Variants in COL24A1 observed in about 807,000 individuals in gnomAD.
COL24A1 encodes collagen type XXIV alpha 1 chain.
A neutral mutation model predicts 253.9 loss-of-function variants in COL24A1; 224 were observed. That is an observed-to-expected ratio of 0.88 (90% confidence interval 0.79 to 0.99). COL24A1 has a LOEUF of 0.99. Ranked by LOEUF, COL24A1 falls within the 50% of genes least tolerant of loss-of-function variation. The pLI is 0.00. For synonymous variants in COL24A1, 685 were observed against 673.7 expected (o/e 1.02, Z -0.26); for missense variants, 2,131 against 2,068.5 (o/e 1.03, Z -0.59).
At chr1:86,089,843 A>T (rs1264882191) in intron 6 of COL24A1, among the ~76,000 whole-genome samples, 1 of 152,144 alleles carries the variant, frequency 6.6e-6, no homozygotes, top group Non-Finnish European at 1.5e-5. Context: ...AAAGAAAAAA[A>T]ATTGAAAGTA....
intron 20 of COL24A1, among the ~76,000 whole-genome samples, chr1:85,972,857 CATCCAGGGGACAGCCTGAGA>C (rs1692312352): frequency 6.6e-6 from 1 of 151,096 alleles, no homozygotes; most frequent in African/African-American, 2.4e-5. Flanking sequence ...AGTGGGAAAC[CATCCAGGGGACAGCCTGAGA>C]ATGAAATCAA....
intron 8 of COL24A1, among the ~76,000 whole-genome samples, chr1:86,062,768 G>C (rs1701184973): frequency 6.6e-6 from 1 of 152,078 alleles, no homozygotes; most frequent in African/African-American, 2.4e-5. Context: ...ACATGTGTTA[G>C]AGATACATAT....
At chr1:85,926,403 A>T (rs1251570583) in intron 24 of COL24A1, among the ~76,000 whole-genome samples, 1 of 151,640 alleles carries the variant, frequency 6.6e-6, no homozygotes, top group Non-Finnish European at 1.5e-5. Flanking sequence ...CAATAGCCAA[A>T]ACTTGGAACC....
intron 59 of COL24A1, among the ~76,000 whole-genome samples, chr1:85,732,765 A>G (rs1663631435): frequency 6.6e-6 from 1 of 152,218 alleles, no homozygotes; most frequent in South Asian, 2.1e-4. Flanking sequence ...AATAGGACCA[A>G]TAATATATTC....
intron 24 of COL24A1, among the ~76,000 whole-genome samples, chr1:85,922,866 G>A (rs1329604858): frequency 1.3e-5 from 2 of 152,130 alleles, no homozygotes; most frequent in East Asian, 3.9e-4. Flanking sequence ...AAAAGACACG[G>A]ACTGGCAAAT....
chr1:85,979,545 A>T (rs489141), intron 20 of COL24A1, among the ~76,000 whole-genome samples: 1 of 151,908 alleles, frequency 6.6e-6, no homozygotes, highest in Non-Finnish European at 1.5e-5. Context: ...CATTCAGCCT[A>T]CTATGAACAC....
chr1:86,120,496 C>A (rs1199587450), intron 3 of COL24A1, among the ~76,000 whole-genome samples: 1 of 152,202 alleles, frequency 6.6e-6, no homozygotes, highest in Admixed American at 6.5e-5. Context: ...TGAACAGACA[C>A]TTCTCAAAAG....
rs1342493673 is a variant in COL24A1 at position 86,156,468 on chromosome 1, G to A, written c.-72C>T. ...CCAACTCTGAACTGCTTAGGGTGCAGGTACTGTCCATGAAAAAGGGAAAAA... is the reference window on the plus strand; with the variant it reads ...CCAACTCTGAACTGCTTAGGGTGCAAGTACTGTCCATGAAAAAGGGAAAAA... On this transcript the variant is annotated 5_prime_UTR_variant, in exon 1 of 60. Coordinates refer to ENST00000370571, the MANE Select transcript of COL24A1 (RefSeq NM_152890.7). The A allele has an allele frequency of 5.1e-6, 7 of 1,374,408 alleles. No individual in the cohort carries two copies. The highest frequency in any genetic ancestry group is 4.7e-5 in the Admixed American group (2 of 42,962). The allele number at this position is 1,374,408 out of a possible 1,614,324, so 85.1% of individuals were successfully genotyped here.
intron 37 of COL24A1, among the ~76,000 whole-genome samples, chr1:85,854,518 T>C (rs1185604527): frequency 6.6e-6 from 1 of 152,212 alleles, no homozygotes; most frequent in Non-Finnish European, 1.5e-5. Flanking sequence ...CTTGGTAATC[T>C]GATAGGACTG....
rs538712964 is a variant in COL24A1, at chr1:85,845,755, C to CA, written c.3462+1909dup. ...AATAAAACTCAAAAGCAAAGCAAAA[C>CA]AAAAAAACAAAAATACTAAGAATAA... On this transcript the variant is annotated intron_variant, in intron 39 of 59. Transcript: ENST00000370571. 2.1e-3 allele frequency among the ~76,000 whole-genome samples: 314 copies of CA among 150,902 alleles called. 9 individuals carry two copies. The South Asian group carries it at 0.052, about 25-fold the overall frequency.
intron 47 of COL24A1, among the ~76,000 whole-genome samples, chr1:85,790,084 T>A (rs1427559716): frequency 1.3e-5 from 2 of 152,042 alleles, no homozygotes; most frequent in South Asian, 2.1e-4. Flanking sequence ...TAGGGAGGAG[T>A]CTCTTCTTTT....
Position 85,895,888 on chromosome 1 carries a change from G to C in COL24A1, c.2892C>G (p.Asn964Lys). The change falls in exon 31 of 60, where the codon AAC becomes AAG. Residue 964 changes from asparagine (N) to lysine (K), a missense_variant. Asn to Lys is a moderately conservative substitution (Grantham distance 94, BLOSUM62 0). Coordinates refer to ENST00000370571, the MANE Select transcript of COL24A1 (RefSeq NM_152890.7). ...GPHGLIGKTGNPGERGFQGKP... is the reference protein window; with the variant it reads ...GPHGLIGKTGKPGERGFQGKP... ...TCCCTTGAAATCCTCTTTCTCCAGG[G>C]TTTCCAGTCTTACCCTACATGAGAA... 6.2e-7 allele frequency: 1 copy of C among 1,609,216 alleles called. No individual in the cohort carries two copies. The highest frequency in any genetic ancestry group is 8.5e-7 in the Non-Finnish European group (1 of 1,178,740).
intron 37 of COL24A1, among the ~76,000 whole-genome samples, chr1:85,849,629 G>A (rs947858060): frequency 6.6e-6 from 1 of 152,098 alleles, no homozygotes; most frequent in African/African-American, 2.4e-5. Flanking sequence ...CTGGCCAAGA[G>A]AGTCTTAATT....
chr1:85,765,673 C>T (rs925619695), intron 53 of COL24A1, among the ~76,000 whole-genome samples: 7 of 151,884 alleles, frequency 4.6e-5, no homozygotes, highest in Non-Finnish European at 7.4e-5. Flanking sequence ...CCCAGGAGTT[C>T]GAGGCTCCAG....
intron 19 of COL24A1, among the ~76,000 whole-genome samples, chr1:85,991,005 T>C (rs1370352513): frequency 6.6e-6 from 1 of 152,214 alleles, no homozygotes; most frequent in Non-Finnish European, 1.5e-5. Context: ...CATTTTGCAA[T>C]GATACAAATA....
chr1:86,057,087 G>GT (rs1167479375), intron 10 of COL24A1, among the ~76,000 whole-genome samples: 1 of 152,184 alleles, frequency 6.6e-6, no homozygotes, highest in Non-Finnish European at 1.5e-5. Flanking sequence ...CTGGTGGGAA[G>GT]TGACTGGATT....
chr1:85,894,473 C>A (rs1002851215), intron 31 of COL24A1, among the ~76,000 whole-genome samples: 1 of 151,802 alleles, frequency 6.6e-6, no homozygotes, highest in Non-Finnish European at 1.5e-5. Flanking sequence ...AATGAATGAC[C>A]TATATTTTTA....
chr1:85,841,957 C>A, intron 41 of COL24A1, 111 bp downstream of exon 41: 1 of 876,120 alleles, frequency 1.1e-6, no homozygotes, highest in Non-Finnish European at 1.8e-6. Flanking sequence ...AAATTTTCAA[C>A]TTTAAAAGTG....
chr1:86,146,162 A>G lies in COL24A1; in HGVS notation c.78T>C (p.Ile26=), dbSNP rs1651849950. 7 of 1,611,110 alleles carry G rather than the reference A, an allele frequency of 4.3e-6. No homozygotes were observed. Among genetic ancestry groups the G allele is most frequent in the Non-Finnish European group, 5.9e-6 (7 of 1,178,662 alleles). ...TAKTKSLLHF[I]VLCVAGVVVH... ...CAACCACCCCAGCCACACATAGTACAATAAAATGAAGAAGTGATTTCCTAG... is the reference window on the plus strand; with the variant it reads ...CAACCACCCCAGCCACACATAGTACGATAAAATGAAGAAGTGATTTCCTAG... The change falls in exon 2 of 60, where the codon ATT becomes ATC. Residue 26 remains isoleucine, a synonymous_variant. Coordinates refer to ENST00000370571, the MANE Select transcript of COL24A1 (RefSeq NM_152890.7).
Sources: gnomAD v4.1 joint callset for allele counts (sites outside exome capture counted in the v4.1 genomes callset) on GRCh38, gnomAD v4.1.1 for gene constraint, MANE v1.5 for transcripts, NCBI Gene and HGNC (gene_info 2026-07-23, HGNC 2026-07-21) for gene names.